NKAIN3: variants seen among roughly 807,000 people sequenced by gnomAD.
NKAIN3 encodes the protein sodium/potassium transporting ATPase interacting 3, also known as sodium/potassium-transporting ATPase subunit beta-1-interacting protein 3.
In NKAIN3, 25 loss-of-function variants were observed where a neutral mutation model predicts 30.2. The observed-to-expected ratio is 0.83, with a 90% confidence interval of 0.60 to 1.16. The LOEUF (loss-of-function observed/expected upper bound fraction) is 1.16, where lower values mean the gene tolerates loss of function less well. NKAIN3 is among the 50% of genes most tolerant of loss of function. The pLI, the probability that NKAIN3 is intolerant of heterozygous loss-of-function variation, is 0.00. For synonymous variants in NKAIN3, 91 were observed against 89.6 expected, an observed-to-expected ratio of 1.02 and a Z score of -0.09; for missense variants, 225 against 254.1, an observed-to-expected ratio of 0.89 and a Z score of 0.78.
intron 4 of NKAIN3, among the ~76,000 whole-genome samples, chr8:62,837,276 C>A (rs1819393651): frequency 6.6e-6 from 1 of 152,108 alleles, no homozygotes; most frequent in South Asian, 2.1e-4. Context: ...CTCTCCATTT[C>A]AGTTAAAGCA....
At position 62,948,468 on chromosome 8, in the gene NKAIN3, G is replaced by T. The variant is rs954653436; in HGVS notation, c.533-5434G>T. 3.9e-5 allele frequency among the ~76,000 whole-genome samples: 6 copies of T among 152,098 alleles called. No individual in the cohort carries two copies. In the East Asian group the frequency reaches 1.2e-3, roughly 29 times the overall value. On this transcript the variant is annotated intron_variant, in intron 5 of 6. Transcript: ENST00000623646. ...CTGCCTCGGCCTCCCAAAGTGCTGGGATTACAGGCGTGAGCCACCGCACCT... is the reference window on the plus strand; with the variant it reads ...CTGCCTCGGCCTCCCAAAGTGCTGGTATTACAGGCGTGAGCCACCGCACCT...
At chr8:62,396,755 C>A (rs1817779647) in intron 1 of NKAIN3, among the ~76,000 whole-genome samples, 1 of 152,156 alleles carries the variant, frequency 6.6e-6, no homozygotes, top group Non-Finnish European at 1.5e-5. Flanking sequence ...TGTAACTATT[C>A]TTGTGTTAAT....
intron 1 of NKAIN3, among the ~76,000 whole-genome samples, chr8:62,407,351 T>A (rs1002895113): frequency 2.0e-5 from 3 of 150,152 alleles, no homozygotes; most frequent in Non-Finnish European, 4.4e-5. Flanking sequence ...TAGAGAGTTT[T>A]AAAAAATTAA....
At chr8:62,810,027 G>A (rs147954181) in intron 4 of NKAIN3, among the ~76,000 whole-genome samples, 1 of 152,126 alleles carries the variant, frequency 6.6e-6, no homozygotes, top group Non-Finnish European at 1.5e-5. Flanking sequence ...TTCCTCACAG[G>A]GTCCAAGGTG....
At chr8:62,674,787 G>A (rs1813419919) in intron 3 of NKAIN3, among the ~76,000 whole-genome samples, 2 of 152,154 alleles carry the variant, frequency 1.3e-5, no homozygotes, top group Admixed American at 6.5e-5. Flanking sequence ...CGGAAGGGAA[G>A]AGGCATTAGG....
chr8:62,528,977 A>G (rs1808402648), intron 1 of NKAIN3, among the ~76,000 whole-genome samples: 1 of 152,206 alleles, frequency 6.6e-6, no homozygotes, highest in Admixed American at 6.5e-5. Flanking sequence ...GAATGAAGCC[A>G]TAGGGGTAGA....
At position 62,269,479 on chromosome 8, in the gene NKAIN3, T is replaced by A. The variant is rs564545651; in HGVS notation, c.54+20352T>A. 2.0e-5 allele frequency among the ~76,000 whole-genome samples: 3 copies of A among 152,288 alleles called. No individual in the cohort carries two copies. The South Asian group carries it at 6.2e-4, about 32-fold the overall frequency. On this transcript the variant is annotated intron_variant, in intron 1 of 6. Transcript: ENST00000623646. Reference sequence around the variant, plus strand: ...TCGCCCATTATTTTTTTTACTCCACTGCTGAGCTAGGTATACAATCCTGAT... The same window carrying A: ...TCGCCCATTATTTTTTTTACTCCACAGCTGAGCTAGGTATACAATCCTGAT...
At chr8:62,372,448 T>C (rs1816940334) in intron 1 of NKAIN3, among the ~76,000 whole-genome samples, 1 of 151,942 alleles carries the variant, frequency 6.6e-6, no homozygotes, top group African/African-American at 2.4e-5. Context: ...TGAAAAAATA[T>C]ATGGTATTCT....
chr8:62,804,692 T>A (rs1415111211), intron 4 of NKAIN3, among the ~76,000 whole-genome samples: 3 of 152,160 alleles, frequency 2.0e-5, no homozygotes, highest in African/African-American at 7.2e-5. Flanking sequence ...ACAGCCAATA[T>A]CATACTGAAT....
At chr8:62,732,409 C>A (rs555014334) in intron 3 of NKAIN3, among the ~76,000 whole-genome samples, 1 of 151,974 alleles carries the variant, frequency 6.6e-6, no homozygotes, top group Non-Finnish European at 1.5e-5. Flanking sequence ...TTCTTTTATA[C>A]ATTTTTTTGC....
chr8:62,669,822 A>G (rs1380391560), intron 3 of NKAIN3, among the ~76,000 whole-genome samples: 3 of 152,208 alleles, frequency 2.0e-5, no homozygotes, highest in Non-Finnish European at 4.4e-5. Context: ...AAACAGCTGC[A>G]TGACAAGGAA....
intron 3 of NKAIN3, among the ~76,000 whole-genome samples, chr8:62,661,430 T>A (rs957922274): frequency 1.3e-5 from 2 of 152,234 alleles, no homozygotes; most frequent in Non-Finnish European, 2.9e-5. Context: ...GAGCATTTTT[T>A]AATTTTCTCT....
intron 1 of NKAIN3, among the ~76,000 whole-genome samples, chr8:62,431,935 C>T (rs1280013529): frequency 7.6e-6 from 1 of 130,890 alleles, no homozygotes; most frequent in Non-Finnish European, 1.6e-5. Context: ...TTGTGGTTAG[C>T]CCATGTCATA....
chr8:62,288,560 A>G (rs185788609), intron 1 of NKAIN3, among the ~76,000 whole-genome samples: 308 of 152,290 alleles, frequency 2.0e-3, no homozygotes, highest in Non-Finnish European at 3.9e-3. Context: ...GTCCCCATAA[A>G]GGACATAAAC....
rs145112338 is a variant in NKAIN3, at chr8:62,306,495, TAAAG to T, written c.54+57373_54+57376del. On this transcript the variant is annotated intron_variant, in intron 1 of 6. Coordinates refer to ENST00000623646, the MANE Select transcript of NKAIN3 (RefSeq NM_001304533.3). Reference sequence around the variant, plus strand: ...TACCTGACTGACTGTATTCGTAAATTAAAGAAAGGATGTGTCAATGCCTAGAAGG... The same window carrying T: ...TACCTGACTGACTGTATTCGTAAATTAAAGGATGTGTCAATGCCTAGAAGG... Among the ~76,000 whole-genome samples, 6 of 149,396 alleles carry T rather than the reference TAAAG, an allele frequency of 4.0e-5. No individual in the cohort carries two copies. In the East Asian group the frequency reaches 1.2e-3, roughly 29 times the overall value.
intron 3 of NKAIN3, among the ~76,000 whole-genome samples, chr8:62,627,620 G>A (rs998247054): frequency 7.2e-5 from 11 of 152,116 alleles, no homozygotes; most frequent in African/African-American, 2.4e-4. Flanking sequence ...AGATGACTGA[G>A]AGGATGATGG....
chr8:62,271,282 C>A (rs1183438866), intron 1 of NKAIN3, among the ~76,000 whole-genome samples: 2 of 152,088 alleles, frequency 1.3e-5, no homozygotes, highest in Admixed American at 6.6e-5. Context: ...CCAATAAATT[C>A]TTTGACTTAT....
chr8:62,908,232 G>T (rs1180538153), intron 4 of NKAIN3, among the ~76,000 whole-genome samples: 1 of 152,162 alleles, frequency 6.6e-6, no homozygotes, highest in Non-Finnish European at 1.5e-5. Flanking sequence ...TTTGCAATAG[G>T]TGTATTTACC....
intron 5 of NKAIN3, among the ~76,000 whole-genome samples, chr8:62,928,066 A>T (rs1822503469): frequency 6.6e-6 from 1 of 152,142 alleles, no homozygotes; most frequent in African/African-American, 2.4e-5. Flanking sequence ...CTTTACTAAG[A>T]AAAAAATAAT....
Sources: allele counts gnomAD v4.1 joint callset (sites outside exome capture counted in the v4.1 genomes callset), GRCh38; gene constraint gnomAD v4.1.1; transcripts MANE v1.5; gene names NCBI Gene and HGNC (gene_info 2026-07-23, HGNC 2026-07-21).